POMT2: variants seen among roughly 807,000 people sequenced by gnomAD.
The protein encoded by POMT2 is protein O-mannosyl-transferase 2.
POMT2 carries 75 observed loss-of-function variants against 100.0 expected under a neutral mutation model. That is an observed-to-expected ratio of 0.75 (90% CI 0.62 to 0.91). The LOEUF (loss-of-function observed/expected upper bound fraction) is 0.91, where lower values mean the gene tolerates loss of function less well. Ranked by LOEUF, POMT2 falls within the 40% of genes least tolerant of loss-of-function variation. The pLI is 0.00. For missense variants in POMT2, 940 were observed against 955.1 expected (o/e 0.98, Z 0.21); for synonymous variants, 378 against 374.1 (o/e 1.01, Z -0.12).
chr14:77,291,795 A>G (rs747184127), intron 9 of POMT2, among the ~76,000 whole-genome samples: 21 of 152,184 alleles, frequency 1.4e-4, no homozygotes, highest in Non-Finnish European at 2.8e-4. Context: ...CACTTTGGGA[A>G]GCCAGAGTGG....
Position 77,291,389 on chromosome 14 carries a change from G to A in POMT2, c.1117-9C>T, listed in dbSNP as rs1444611768. On this transcript the variant is annotated splice_polypyrimidine_tract_variant and intron_variant, in intron 9 of 20. Transcript: ENST00000261534. The stretch of plus-strand genomic sequence containing the variant: ...TGCAAATAGGTGGTGACCTGGGTGG[G>A]GGGTGGGGGCGGAGGGAAGAGGAAG... 6.6e-6 allele frequency: 4 copies of A among 602,356 alleles called. No homozygotes were observed. Among genetic ancestry groups the A allele is most frequent in the East Asian group, 5.7e-5 (1 of 17,542 alleles). The allele number at this position is 602,356 out of a possible 1,614,324, so 37.3% of individuals were successfully genotyped here.
At chr14:77,299,607 T>C in intron 6 of POMT2, 46 bp from the exon 7 acceptor site, 1 of 1,405,474 alleles carries the variant, frequency 7.1e-7, no homozygotes, top group Non-Finnish European at 1.0e-6. Flanking sequence ...TGAGACCTCA[T>C]TATTCCTTAG....
chr14:77,291,395 GGGGCGGA>G lies in POMT2; in HGVS notation c.1117-22_1117-16del. ...TAGGTGGTGACCTGGGTGGGGGGTG[GGGGCGGA>G]GGGAAGAGGAAGCAGGAGGGAGAAT... On this transcript the variant is annotated splice_polypyrimidine_tract_variant and intron_variant, in intron 9 of 20. Coordinates refer to ENST00000261534, the MANE Select transcript of POMT2 (RefSeq NM_013382.7). 1 of 551,040 alleles carries G rather than the reference GGGGCGGA, an allele frequency of 1.8e-6. No individual in the cohort carries two copies. Among genetic ancestry groups the G allele is most frequent in the African/African-American group, 2.4e-5 (1 of 42,134 alleles). The allele number at this position is 551,040 out of a possible 1,614,324, so 34.1% of individuals were successfully genotyped here.
chr14:77,302,291 G>A (rs1891069609), intron 5 of POMT2, among the ~76,000 whole-genome samples: 1 of 152,232 alleles, frequency 6.6e-6, no homozygotes, highest in Non-Finnish European at 1.5e-5. Context: ...CCAGGACCTG[G>A]AAGGATCCTC....
chr14:77,280,744 C>A (rs1047519794), intron 15 of POMT2, among the ~76,000 whole-genome samples: 1 of 151,948 alleles, frequency 6.6e-6, no homozygotes, highest in African/African-American at 2.4e-5. Flanking sequence ...AAATATATAC[C>A]CATCTGCCAA....
intron 14 of POMT2, 55 bp downstream of exon 14, chr14:77,284,895 G>C: frequency 1.4e-6 from 2 of 1,448,976 alleles, no homozygotes; most frequent in Non-Finnish European, 1.9e-6. Context: ...TCTAAGATAA[G>C]GGTTTCTTAT....
intron 9 of POMT2, among the ~76,000 whole-genome samples, chr14:77,292,302 C>T (rs553740841): frequency 6.6e-6 from 1 of 152,276 alleles, no homozygotes; most frequent in East Asian, 1.9e-4. Flanking sequence ...GGAAAAGGCT[C>T]ATGAAATGCT....
intron 8 of POMT2, among the ~76,000 whole-genome samples, chr14:77,297,352 C>T (rs1890869958): frequency 6.6e-6 from 1 of 152,194 alleles, no homozygotes; most frequent in African/African-American, 2.4e-5. Context: ...GTGATCTGAC[C>T]TCAGCTCTAT....
At position 77,278,506 on chromosome 14, in the gene POMT2, T is replaced by C. The variant is rs756482311; in HGVS notation, c.2035A>G (p.Ile679Val). Residue 679 changes from isoleucine to valine, a missense_variant and splice_region_variant, in exon 20 of 21, where the codon ATT becomes GTT. Coordinates refer to ENST00000261534, the MANE Select transcript of POMT2 (RefSeq NM_013382.7). The part of the protein sequence containing the change: ...AMLFSSMLTG[I>V]LWDTLLRLCA... ...AGCCGCAGGAGGGTGTCCCACAGAA[T>C]GCCTAGAGGAGAGGAGAGAAACCTG... 1 of 1,474,110 alleles carries C rather than the reference T, an allele frequency of 6.8e-7. No individual in the cohort carries two copies. The highest frequency in any genetic ancestry group is 1.2e-5 in the South Asian group (1 of 82,672). The allele number at this position is 1,474,110 out of a possible 1,614,324, so 91.3% of individuals were successfully genotyped here. A position where few individuals can be genotyped will look rare whatever the true frequency, so the allele number is the denominator to read the frequency against.
chr14:77,279,971 T>G lies in POMT2; in HGVS notation c.1786-43A>C, dbSNP rs74062792. ...TGGGCAGATGAGAACGCAGCCGCTC[T>G]CCACGGGCAAGTGCTCCAGGGCCTG... On this transcript the variant is annotated intron_variant, in intron 17 of 20. Transcript: ENST00000261534. The G allele has an allele frequency of 1.8e-3, 2,966 of 1,614,140 alleles. 48 individuals are homozygous for G. In the African/African-American group the frequency reaches 0.035, roughly 19 times the overall value.
chr14:77,275,999 C>T lies in POMT2; in HGVS notation c.*1377G>A, dbSNP rs927838305. 4 of 152,582 alleles carry T rather than the reference C, an allele frequency of 2.6e-5. No individual in the cohort carries two copies. The highest frequency in any genetic ancestry group is 7.2e-5 in the African/African-American group (3 of 41,444). 9.5% of individuals were successfully genotyped at this position (152,582 alleles called of 1,614,324 possible). A position where few individuals can be genotyped will look rare whatever the true frequency, so the allele number is the denominator to read the frequency against. ...ATGCTTTAAAGAGATCTGACCCTGT[C>T]AGAGTTGTTGGGAGCTTCAGAGGAG... On this transcript the variant is annotated 3_prime_UTR_variant, in exon 21 of 21. Coordinates refer to ENST00000261534, the MANE Select transcript of POMT2 (RefSeq NM_013382.7).
chr14:77,295,535 G>C (rs896166930), intron 9 of POMT2, among the ~76,000 whole-genome samples: 1 of 151,486 alleles, frequency 6.6e-6, no homozygotes, highest in Admixed American at 6.6e-5. Flanking sequence ...GGGAGGCTGA[G>C]GCAGGAGAAT....
At chr14:77,281,146 GCTTA>G (rs2140172211) in intron 15 of POMT2, among the ~76,000 whole-genome samples, 1 of 141,600 alleles carries the variant, frequency 7.1e-6, no homozygotes, top group East Asian at 2.2e-4. Context: ...AAATAATAAG[GCTTA>G]CTTATTTGTT....
intron 2 of POMT2, among the ~76,000 whole-genome samples, chr14:77,308,292 TAC>T (rs888357062): frequency 6.6e-6 from 1 of 151,006 alleles, no homozygotes; most frequent in Non-Finnish European, 1.5e-5. Flanking sequence ...ACCTAACTCA[TAC>T]AGTCATGCAA....
intron 14 of POMT2, 28 bp from the exon 15 acceptor site, chr14:77,283,901 C>T: frequency 6.5e-7 from 1 of 1,548,640 alleles, no homozygotes; most frequent in Non-Finnish European, 8.9e-7. Flanking sequence ...AGGAGAAAAG[C>T]CTTTGTCATA....
chr14:77,282,716 CA>C (rs1057401573), intron 15 of POMT2, among the ~76,000 whole-genome samples: 3 of 152,092 alleles, frequency 2.0e-5, no homozygotes, highest in Admixed American at 2.0e-4. Context: ...TCCCAATGCG[CA>C]AAAATGACAA....
chr14:77,278,446 T>C lies in POMT2; in HGVS notation c.2095A>G (p.Arg699Gly). 6.6e-7 allele frequency: 1 copy of C among 1,504,258 alleles called. No individual in the cohort carries two copies. Among genetic ancestry groups the C allele is most frequent in the South Asian group, 1.2e-5 (1 of 83,246 alleles). The allele number at this position is 1,504,258 out of a possible 1,614,324, so 93.2% of individuals were successfully genotyped here. A position where few individuals can be genotyped will look rare whatever the true frequency, so the allele number is the denominator to read the frequency against. ...AGGATTCCCGCCACATGTATGCCCC[T>C]CGCCAGGGGCCATGAGGCCAAGCCC... is the stretch of plus-strand genomic sequence containing the variant. ...AWGLASWPLA[R>G]GIHVAGILSL... Residue 699 changes from arginine to glycine, a missense_variant, in exon 20 of 21, where the codon AGG becomes GGG. Transcript: ENST00000261534.
At chr14:77,296,822 T>C (rs112784932) in intron 8 of POMT2, among the ~76,000 whole-genome samples, 1 of 152,250 alleles carries the variant, frequency 6.6e-6, no homozygotes, top group African/African-American at 2.4e-5. Flanking sequence ...TTGAGAAACC[T>C]TTTTTCCTTA....
chr14:77,284,724 ATGGCCAC>A (rs1292158729), intron 14 of POMT2, among the ~76,000 whole-genome samples: 2 of 152,154 alleles, frequency 1.3e-5, no homozygotes, highest in African/African-American at 4.8e-5. Flanking sequence ...GGATCTGCAG[ATGGCCAC>A]TGGCCACTTT....
Sources: gnomAD v4.1 joint callset for allele counts (sites outside exome capture counted in the v4.1 genomes callset) on GRCh38, gnomAD v4.1.1 for gene constraint, MANE v1.5 for transcripts, NCBI Gene and HGNC (gene_info 2026-07-23, HGNC 2026-07-21) for gene names.